The following NDST3 variants were observed in gnomAD, a reference collection of about 807,000 sequenced individuals.
NDST3 encodes the protein N-deacetylase and N-sulfotransferase 3, also known as bifunctional heparan sulfate N-deacetylase/N-sulfotransferase 3.
A neutral mutation model predicts 96.1 loss-of-function variants in NDST3; 58 were observed. That is an observed-to-expected ratio of 0.60 (90% CI 0.49 to 0.75). The LOEUF (loss-of-function observed/expected upper bound fraction) is 0.75. Ranked by LOEUF, NDST3 falls within the 30% of genes least tolerant of loss-of-function variation. The probability of loss-of-function intolerance (pLI) is 0.00; values close to 1 mark genes in which losing one functional copy is unlikely to be tolerated. For synonymous variants in NDST3, 333 were observed against 359.7 expected, an observed-to-expected ratio of 0.93 and a Z score of 0.84; for missense variants, 788 against 1,034.2, an observed-to-expected ratio of 0.76 and a Z score of 3.27.
intron 6 of NDST3, among the ~76,000 whole-genome samples, chr4:118,149,968 G>T (rs1287407395): frequency 6.8e-6 from 1 of 147,702 alleles, no homozygotes; most frequent in African/African-American, 2.5e-5. Context: ...AGCATGAAGG[G>T]TTGTTGAATT....
chr4:118,043,769 T>C (rs1037781387), intron 1 of NDST3, among the ~76,000 whole-genome samples: 2 of 152,182 alleles, frequency 1.3e-5, no homozygotes, highest in Admixed American at 1.3e-4. Context: ...GTTTGTAGTA[T>C]GAATAGAAAG....
intron 6 of NDST3, among the ~76,000 whole-genome samples, chr4:118,189,015 T>A (rs1392901216): frequency 6.6e-6 from 1 of 152,168 alleles, no homozygotes; most frequent in Non-Finnish European, 1.5e-5. Context: ...AGAAATCTGA[T>A]ATAATTTTAG....
At chr4:118,249,506 C>A (rs779355799) in intron 12 of NDST3, among the ~76,000 whole-genome samples, 1 of 151,962 alleles carries the variant, frequency 6.6e-6, no homozygotes, top group African/African-American at 2.4e-5. Flanking sequence ...GTTGCCTTAC[C>A]GATTCAAACA....
chr4:118,200,818 G>C (rs1446505890), intron 6 of NDST3, among the ~76,000 whole-genome samples: 1 of 151,678 alleles, frequency 6.6e-6, no homozygotes, highest in Non-Finnish European at 1.5e-5. Flanking sequence ...TTTAAATACA[G>C]GGTACATGTA....
chr4:118,181,366 G>C (rs953743468), intron 6 of NDST3, among the ~76,000 whole-genome samples: 1 of 152,148 alleles, frequency 6.6e-6, no homozygotes, highest in Non-Finnish European at 1.5e-5. Context: ...GCAGGAAATG[G>C]AAAGAACAGA....
intron 2 of NDST3, among the ~76,000 whole-genome samples, chr4:118,075,383 C>A (rs1350007175): frequency 6.6e-6 from 1 of 152,152 alleles, no homozygotes; most frequent in Non-Finnish European, 1.5e-5. Context: ...TTTATAGTAG[C>A]ATGATTTATA....
chr4:118,092,113 G>C (rs925155305), intron 2 of NDST3, among the ~76,000 whole-genome samples: 1 of 150,990 alleles, frequency 6.6e-6, no homozygotes, highest in Non-Finnish European at 1.5e-5. Flanking sequence ...TGTACAATGT[G>C]CAGGTTTGTC....
Position 118,233,100 on chromosome 4 carries a change from C to T in NDST3, c.1908C>T (p.Phe636=), listed in dbSNP as rs753063141. The change falls in exon 9 of 14, where the codon TTC becomes TTT. Residue 636 remains phenylalanine (F), a synonymous_variant. Transcript: ENST00000296499. ...CAAAAACCTTTGAGGAGGTACAGTT[C>T]TTTAATAGAAATAACTACCACAGGG... is the stretch of plus-strand genomic sequence containing the variant. ...PSPKTFEEVQ[F]FNRNNYHRGI... 3.7e-6 allele frequency: 6 copies of T among 1,612,400 alleles called. No homozygotes were observed. The East Asian group carries it at 1.3e-4, about 36-fold the overall frequency.
Position 118,237,121 on chromosome 4 carries a change from C to G in NDST3, c.2019C>G (p.His673Gln). ...TTGAGAAGAGTGCCAATTACTTCCACTCAGAGGAAGCCCCTAAAAGAGCTG... is the reference window on the plus strand; with the variant it reads ...TTGAGAAGAGTGCCAATTACTTCCAGTCAGAGGAAGCCCCTAAAAGAGCTG... The part of the protein sequence containing the change: ...FLFEKSANYF[H>Q]SEEAPKRAAS... The change falls in exon 10 of 14, where the codon CAC becomes CAG. Residue 673 changes from histidine to glutamine, a missense_variant. Around this residue, in one of 3 missense-constraint regions of NDST3, gnomAD observed 490 missense variants for 708.8 expected, o/e 0.69. Transcript: ENST00000296499. 1.2e-6 allele frequency: 2 copies of G among 1,613,438 alleles called. No individual in the cohort carries two copies. The highest frequency in any genetic ancestry group is 1.1e-5 in the South Asian group (1 of 90,968).
chr4:118,116,656 G>T (rs1403481733), intron 4 of NDST3, among the ~76,000 whole-genome samples: 1 of 152,102 alleles, frequency 6.6e-6, no homozygotes, highest in Non-Finnish European at 1.5e-5. Context: ...AGGAGATCGA[G>T]ACCATCCTGG....
At chr4:118,114,247 C>T (rs1223303369) in intron 3 of NDST3, among the ~76,000 whole-genome samples, 1 of 152,144 alleles carries the variant, frequency 6.6e-6, no homozygotes. Flanking sequence ...TCACCTTCAT[C>T]CTTCAGTTTT....
chr4:118,243,118 TA>T (rs376717746), intron 12 of NDST3, among the ~76,000 whole-genome samples: 5,915 of 150,164 alleles, frequency 0.039, 173 homozygotes, highest in African/African-American at 0.085. Flanking sequence ...GACTGAGCCT[TA>T]AAAAAAAACT....
chr4:118,206,929 A>G (rs546597213), intron 6 of NDST3, among the ~76,000 whole-genome samples: 2 of 143,666 alleles, frequency 1.4e-5, no homozygotes, highest in African/African-American at 2.6e-5. Context: ...CAAGTTATTC[A>G]TAATAGCATA....
At chr4:118,222,549 G>A (rs896262738) in intron 6 of NDST3, among the ~76,000 whole-genome samples, 1 of 152,000 alleles carries the variant, frequency 6.6e-6, no homozygotes, top group South Asian at 2.1e-4. Flanking sequence ...ACATTAAACC[G>A]TCCTTTAGCT....
At chr4:118,189,756 A>C (rs951248840) in intron 6 of NDST3, among the ~76,000 whole-genome samples, 28 of 152,308 alleles carry the variant, frequency 1.8e-4, no homozygotes, top group African/African-American at 6.5e-4. Flanking sequence ...AGGCGAACAA[A>C]GATATTTTAC....
At chr4:118,084,799 A>G (rs551433606) in intron 2 of NDST3, among the ~76,000 whole-genome samples, 28 of 152,290 alleles carry the variant, frequency 1.8e-4, no homozygotes, top group African/African-American at 6.0e-4. Flanking sequence ...CCAACTCTGC[A>G]CGAAAGCCAA....
chr4:118,242,628 CTAAA>C (rs1203954894), intron 12 of NDST3, among the ~76,000 whole-genome samples: 2 of 152,134 alleles, frequency 1.3e-5, no homozygotes, highest in Admixed American at 6.5e-5. Context: ...ATTATCGCTC[CTAAA>C]CAAACGTCCT....
intron 1 of NDST3, among the ~76,000 whole-genome samples, chr4:118,052,889 A>T (rs1318380922): frequency 6.6e-6 from 1 of 152,034 alleles, no homozygotes; most frequent in Non-Finnish European, 1.5e-5. Context: ...AAGGGATTTC[A>T]AATTATTGCA....
At chr4:118,246,645 T>A (rs563913222) in intron 12 of NDST3, among the ~76,000 whole-genome samples, 1 of 152,054 alleles carries the variant, frequency 6.6e-6, no homozygotes, top group Non-Finnish European at 1.5e-5. Flanking sequence ...AGAGGTTTAA[T>A]TGACTCACAG....
Sources: gnomAD v4.1 joint callset for allele counts (sites outside exome capture counted in the v4.1 genomes callset) on GRCh38, gnomAD v4.1.1 for gene constraint, gnomAD v4.1.1 regional missense constraint, MANE v1.5 for transcripts, NCBI Gene and HGNC (gene_info 2026-07-23, HGNC 2026-07-21) for gene names.